Variants in LRRTM3 observed in about 807,000 individuals in gnomAD.
LRRTM3 encodes the protein leucine rich repeat transmembrane neuronal 3, also known as leucine-rich repeat transmembrane neuronal protein 3.
In LRRTM3, 24 loss-of-function variants were observed where a neutral mutation model predicts 44.7. The ratio of observed to expected loss-of-function variants is 0.54; its 90% CI spans 0.39 to 0.76. The LOEUF (loss-of-function observed/expected upper bound fraction) is 0.76. Ranked by LOEUF, LRRTM3 falls within the 30% of genes least tolerant of loss-of-function variation. The pLI, the probability that LRRTM3 is intolerant of heterozygous loss-of-function variation, is 0.00. For missense variants in LRRTM3, 587 were observed against 702.2 expected, an observed-to-expected ratio of 0.84 and a Z score of 1.85; for synonymous variants, 277 against 278.7, an observed-to-expected ratio of 0.99 and a Z score of 0.06.
At position 67,069,670 on chromosome 10, in the gene LRRTM3, C is replaced by G. The variant is rs148719114; in HGVS notation, c.1537-27917C>G. Among the ~76,000 whole-genome samples the G allele has an allele frequency of 4.5e-3, 671 of 149,822 alleles. 5 individuals carry two copies. Among genetic ancestry groups the G allele is most frequent in the African/African-American group, 0.015 (625 of 40,556 alleles). On this transcript the variant is annotated intron_variant, in intron 2 of 2. Coordinates refer to ENST00000361320, the MANE Select transcript of LRRTM3 (RefSeq NM_178011.5). ...TTTGAAATGTCTATAAGTAGAATCA[C>G]TCAGTATATACTCTGTTGTGTCTGA...
At chr10:67,017,149 G>A (rs1241299696) in intron 2 of LRRTM3, among the ~76,000 whole-genome samples, 1 of 152,146 alleles carries the variant, frequency 6.6e-6, no homozygotes, top group African/African-American at 2.4e-5. Flanking sequence ...TATATTCATA[G>A]TATGAAAATA....
At chr10:67,048,405 C>A (rs952187460) in intron 2 of LRRTM3, among the ~76,000 whole-genome samples, 3 of 152,036 alleles carry the variant, frequency 2.0e-5, no homozygotes, top group Non-Finnish European at 4.4e-5. Context: ...ACCAAGGAAA[C>A]CTCTTACTGT....
chr10:66,986,983 C>A (rs971451213), intron 2 of LRRTM3, among the ~76,000 whole-genome samples: 1 of 152,048 alleles, frequency 6.6e-6, no homozygotes. Flanking sequence ...CACTAATAAG[C>A]TGATACATGA....
chr10:67,079,506 G>T (rs1411158532), intron 2 of LRRTM3, among the ~76,000 whole-genome samples: 2 of 152,142 alleles, frequency 1.3e-5, no homozygotes, highest in African/African-American at 4.8e-5. Context: ...AAAAGGCAAA[G>T]TATTACAATT....
At chr10:67,008,813 TC>T (rs1356436699) in intron 2 of LRRTM3, among the ~76,000 whole-genome samples, 2 of 152,338 alleles carry the variant, frequency 1.3e-5, no homozygotes, top group Non-Finnish European at 2.9e-5. Flanking sequence ...TGCATAAGAA[TC>T]TTTTTAAGTC....
intron 2 of LRRTM3, among the ~76,000 whole-genome samples, chr10:66,967,947 CT>C (rs1849526841): frequency 6.6e-6 from 1 of 152,052 alleles, no homozygotes. Context: ...TTTAGGAATG[CT>C]TTTTGATGAA....
chr10:67,049,445 A>G (rs1458931074), intron 2 of LRRTM3, among the ~76,000 whole-genome samples: 1 of 152,158 alleles, frequency 6.6e-6, no homozygotes, highest in East Asian at 1.9e-4. Context: ...TAATTATTCT[A>G]TAATCTAAAT....
chr10:67,008,884 A>C (rs542515407), intron 2 of LRRTM3, among the ~76,000 whole-genome samples: 1 of 152,298 alleles, frequency 6.6e-6, no homozygotes, highest in Non-Finnish European at 1.5e-5. Flanking sequence ...ATGAGGGTTT[A>C]TACTATCTTG....
At chr10:66,951,913 A>G (rs537174450) in intron 2 of LRRTM3, among the ~76,000 whole-genome samples, 4 of 152,148 alleles carry the variant, frequency 2.6e-5, no homozygotes, top group African/African-American at 9.7e-5. Context: ...ATAACAGTGA[A>G]CCTTCATCTT....
Position 66,992,399 on chromosome 10 carries a change from C to T in LRRTM3, c.1536+63947C>T, listed in dbSNP as rs530337602. Among the ~76,000 whole-genome samples, 380 of 151,476 alleles carry T rather than the reference C, an allele frequency of 2.5e-3. 3 individuals are homozygous for T. Among genetic ancestry groups the T allele is most frequent in the African/African-American group, 8.3e-3 (345 of 41,324 alleles). ...CCTTCTCCTTTTCCTATTATTCTTC[C>T]TCCTCCTCCTCCTCCACTCCTCTTT... On this transcript the variant is annotated intron_variant, in intron 2 of 2. Coordinates refer to ENST00000361320, the MANE Select transcript of LRRTM3 (RefSeq NM_178011.5).
At chr10:67,027,722 C>T (rs1853480456) in intron 2 of LRRTM3, among the ~76,000 whole-genome samples, 1 of 152,106 alleles carries the variant, frequency 6.6e-6, no homozygotes, top group South Asian at 2.1e-4. Context: ...AGCCACCGTG[C>T]CCGGCTGACA....
chr10:66,970,036 G>A (rs7913735), intron 2 of LRRTM3, among the ~76,000 whole-genome samples: 9 of 152,090 alleles, frequency 5.9e-5, no homozygotes, highest in African/African-American at 9.7e-5. Flanking sequence ...GAGTCAAGGC[G>A]AGTTCCATAG....
chr10:66,926,885 G>T (rs778501738), intron 1 of LRRTM3, 36 bp from the exon 2 acceptor site: 3 of 1,512,802 alleles, frequency 2.0e-6, no homozygotes, highest in South Asian at 1.3e-5. Flanking sequence ...ATTCTTTTTT[G>T]GGGGGATAAC....
chr10:67,036,492 C>T (rs1854066131), intron 2 of LRRTM3, among the ~76,000 whole-genome samples: 1 of 151,954 alleles, frequency 6.6e-6, no homozygotes, highest in Admixed American at 6.6e-5. Flanking sequence ...GGTGAAACCC[C>T]GTCTCTACTA....
chr10:66,947,570 A>T (rs1848338891), intron 2 of LRRTM3, among the ~76,000 whole-genome samples: 1 of 152,166 alleles, frequency 6.6e-6, no homozygotes, highest in Admixed American at 6.5e-5. Flanking sequence ...ATAAAAAAGC[A>T]TCAGAGACAA....
At chr10:66,959,979 G>T (rs970382509) in intron 2 of LRRTM3, among the ~76,000 whole-genome samples, 4 of 152,056 alleles carry the variant, frequency 2.6e-5, no homozygotes, top group Non-Finnish European at 5.9e-5. Context: ...CTGCTACAAG[G>T]CTAGTCTGTA....
intron 2 of LRRTM3, among the ~76,000 whole-genome samples, chr10:67,074,249 C>T (rs2131857316): frequency 6.7e-6 from 1 of 149,436 alleles, no homozygotes; most frequent in East Asian, 2.0e-4. Flanking sequence ...CCAGGATGGT[C>T]TTGATCTCTC....
At position 66,928,317 on chromosome 10, in the gene LRRTM3, G is replaced by A. The variant is rs1476252841; in HGVS notation, c.1401G>A (p.Gln467=). 1.2e-6 allele frequency: 2 copies of A among 1,614,048 alleles called. No individual in the cohort carries two copies. The highest frequency in any genetic ancestry group is 1.3e-5 in the African/African-American group (1 of 74,914). The change falls in exon 2 of 3, where the codon CAG becomes CAA. Residue 467 remains glutamine (Q), a synonymous_variant. Coordinates refer to ENST00000361320, the MANE Select transcript of LRRTM3 (RefSeq NM_178011.5). ...GAAGGCACAGGAAAAAGAAAAGACAGTCCCTAAAGCAAATGACTCCCAGCA... is the reference window on the plus strand; with the variant it reads ...GAAGGCACAGGAAAAAGAAAAGACAATCCCTAAAGCAAATGACTCCCAGCA... The part of the protein sequence containing the change: ...LMRRHRKKKR[Q]SLKQMTPSTQ...
At chr10:67,022,872 A>G (rs1310629761) in intron 2 of LRRTM3, among the ~76,000 whole-genome samples, 1 of 152,152 alleles carries the variant, frequency 6.6e-6, no homozygotes, top group Non-Finnish European at 1.5e-5. Context: ...CGGGTGGCGG[A>G]GGTTGCAGTG....
Sources: gnomAD v4.1 joint callset for allele counts (sites outside exome capture counted in the v4.1 genomes callset) on GRCh38, gnomAD v4.1.1 for gene constraint, MANE v1.5 for transcripts, NCBI Gene and HGNC (gene_info 2026-07-23, HGNC 2026-07-21) for gene names.